The following FRMD6 variants were observed in gnomAD, a reference collection of about 807,000 sequenced individuals.
The protein encoded by FRMD6 is FERM domain-containing protein 6.
A neutral mutation model predicts 73.2 loss-of-function variants in FRMD6; 37 were observed. The observed-to-expected ratio is 0.51, with a 90% CI of 0.39 to 0.66. The LOEUF is 0.66. Ranked by LOEUF, FRMD6 falls within the 30% of genes least tolerant of loss-of-function variation. The probability of loss-of-function intolerance (pLI) is 0.00; values close to 1 mark genes in which losing one functional copy is unlikely to be tolerated. For synonymous variants in FRMD6, 273 were observed against 282.2 expected (o/e 0.97, Z 0.33); for missense variants, 714 against 780.5 (o/e 0.91, Z 1.02).
the FRMD6 span, among the ~76,000 whole-genome samples, chr14:51,453,264 T>A: frequency 6.6e-6 from 1 of 152,110 alleles, no homozygotes. Context: ...AGGAGGATGT[T>A]GGCTTTGAGT....
intron 1 of FRMD6, among the ~76,000 whole-genome samples, chr14:51,565,843 C>T (rs1263590318): frequency 6.6e-6 from 1 of 152,104 alleles, no homozygotes; most frequent in East Asian, 1.9e-4. Flanking sequence ...ATGGATCTCT[C>T]CAAGTTCACA....
chr14:51,476,061 G>T, the FRMD6 span, among the ~76,000 whole-genome samples: 1 of 152,136 alleles, frequency 6.6e-6, no homozygotes, highest in Non-Finnish European at 1.5e-5. Context: ...GTTCAACTAG[G>T]AACCGTTCAA....
At chr14:51,689,967 T>TA in intron 2 of FRMD6, 32 bp downstream of exon 2, 1 of 1,396,320 alleles carries the variant, frequency 7.2e-7, no homozygotes, top group Non-Finnish European at 1.0e-6. Flanking sequence ...AATGTCTAAA[T>TA]ATTGTGTTTT....
At chr14:51,416,794 C>G in the FRMD6 span, among the ~76,000 whole-genome samples, 1 of 152,170 alleles carries the variant, frequency 6.6e-6, no homozygotes, top group African/African-American at 2.4e-5. Context: ...GTCTAAGTCT[C>G]TTTGTAGGTC....
intron 2 of FRMD6, among the ~76,000 whole-genome samples, chr14:51,607,683 G>T (rs1210155670): frequency 6.6e-6 from 1 of 152,186 alleles, no homozygotes; most frequent in Non-Finnish European, 1.5e-5. Context: ...TAACACAGAT[G>T]GTACTGCACT....
At chr14:51,488,919 C>A (rs1882845534), upstream of FRMD6, among the ~76,000 whole-genome samples, 1 of 152,226 alleles carries the variant, frequency 6.6e-6, no homozygotes, top group Admixed American at 6.5e-5. Context: ...GATTAATAAT[C>A]TAGACTGGGT....
At chr14:51,661,821 C>T (rs1806209896) in intron 1 of FRMD6, among the ~76,000 whole-genome samples, 1 of 152,138 alleles carries the variant, frequency 6.6e-6, no homozygotes, top group African/African-American at 2.4e-5. Context: ...TGAAAGATAA[C>T]TATTACTTGT....
At chr14:51,504,300 C>G (rs1883814104) in intron 1 of FRMD6, among the ~76,000 whole-genome samples, 1 of 152,206 alleles carries the variant, frequency 6.6e-6, no homozygotes, top group Non-Finnish European at 1.5e-5. Context: ...CAGTTCCTTC[C>G]TCTGGAAGCT....
chr14:51,597,540 A>G (rs1889786680), intron 2 of FRMD6, among the ~76,000 whole-genome samples: 1 of 152,212 alleles, frequency 6.6e-6, no homozygotes, highest in African/African-American at 2.4e-5. Context: ...AGAATGTGTA[A>G]CGAGGAAAGG....
the FRMD6 span, among the ~76,000 whole-genome samples, chr14:51,400,627 T>C: frequency 6.6e-6 from 1 of 152,290 alleles, no homozygotes; most frequent in Non-Finnish European, 1.5e-5. Flanking sequence ...TTAATAAAAT[T>C]ATATAATTAC....
chr14:51,649,333 A>T (rs975974988), upstream of FRMD6, among the ~76,000 whole-genome samples: 2 of 152,190 alleles, frequency 1.3e-5, no homozygotes, highest in African/African-American at 4.8e-5. Context: ...ATTTTCCTAC[A>T]ATATAATTCT....
chr14:51,399,591 T>G, the FRMD6 span, among the ~76,000 whole-genome samples: 1 of 152,204 alleles, frequency 6.6e-6, no homozygotes, highest in Non-Finnish European at 1.5e-5. Flanking sequence ...TGTTCTTCAT[T>G]GAATTGATGG....
At position 51,691,352 on chromosome 14, in the gene FRMD6, A is replaced by G. The variant is rs79444157; in HGVS notation, c.99+1417A>G. Among the ~76,000 whole-genome samples, 380 of 152,242 alleles carry G rather than the reference A, an allele frequency of 2.5e-3. 1 individual carries two copies. Among genetic ancestry groups the G allele is most frequent in the African/African-American group, 8.5e-3 (353 of 41,550 alleles). ...AAATATTTCTTGGTTTATACTGAAG[A>G]GTAATTGTGAATCATAGGTTACACT... On this transcript the variant is annotated intron_variant, in intron 2 of 13. Transcript: ENST00000344768.
chr14:51,447,822 C>T, the FRMD6 span, among the ~76,000 whole-genome samples: 1 of 152,186 alleles, frequency 6.6e-6, no homozygotes, highest in Non-Finnish European at 1.5e-5. Flanking sequence ...ACGATTAATG[C>T]TCCTCCCTTA....
At chr14:51,607,360 T>TG (rs1364342468) in intron 2 of FRMD6, among the ~76,000 whole-genome samples, 1 of 152,062 alleles carries the variant, frequency 6.6e-6, no homozygotes, top group Non-Finnish European at 1.5e-5. Context: ...AGTGTATTAT[T>TG]GTGTATCCAG....
At chr14:51,553,871 AG>A (rs1886975344) in intron 1 of FRMD6, among the ~76,000 whole-genome samples, 1 of 152,188 alleles carries the variant, frequency 6.6e-6, no homozygotes, top group South Asian at 2.1e-4. Flanking sequence ...GAAAATCTCT[AG>A]GAAGATGAGA....
intron 1 of FRMD6, among the ~76,000 whole-genome samples, chr14:51,549,595 C>CTTTT (rs35356416): frequency 2.8e-3 from 275 of 98,000 alleles, no homozygotes; most frequent in Middle Eastern, 8.3e-3. Context: ...TTTTTTCTTT[C>CTTTT]TTTTTTTTTT....
intron 3 of FRMD6, among the ~76,000 whole-genome samples, chr14:51,700,507 A>G (rs920579357): frequency 2.0e-5 from 3 of 152,014 alleles, no homozygotes; most frequent in Non-Finnish European, 4.4e-5. Context: ...TCATTTTGTC[A>G]TGCTGTGTTT....
intron 2 of FRMD6, among the ~76,000 whole-genome samples, chr14:51,623,463 A>C (rs1891005746): frequency 6.6e-6 from 1 of 152,202 alleles, no homozygotes; most frequent in Non-Finnish European, 1.5e-5. Flanking sequence ...TAATTCTGCA[A>C]ATTACTCAGC....
Sources: allele counts gnomAD v4.1 joint callset (sites outside exome capture counted in the v4.1 genomes callset), GRCh38; gene constraint gnomAD v4.1.1; transcripts MANE v1.5; gene names NCBI Gene and HGNC (gene_info 2026-07-23, HGNC 2026-07-21).